Variants in DST observed in about 807,000 individuals in gnomAD.
The protein encoded by DST is bullous pemphigoid antigen.
DST carries 253 observed loss-of-function variants against 875.2 expected under a neutral mutation model. That is an observed-to-expected ratio of 0.29 (90% CI 0.26 to 0.32). The LOEUF (loss-of-function observed/expected upper bound fraction) is 0.32. DST is among the 10% of genes least tolerant of loss of function. DST has a pLI of 1.00. For missense variants in DST, 8,287 were observed against 9,111.6 expected (o/e 0.91, Z 3.68); for synonymous variants, 3,124 against 3,197.1 (o/e 0.98, Z 0.77).
At chr6:56,740,943 A>G (rs1200041771) in intron 4 of DST, among the ~76,000 whole-genome samples, 1 of 152,114 alleles carries the variant, frequency 6.6e-6, no homozygotes, top group East Asian at 1.9e-4. Context: ...TAATTCAAGA[A>G]TAGAGTTTCC....
chr6:56,742,505 C>A, intron 4 of DST: 1 of 413,292 alleles, frequency 2.4e-6, no homozygotes, highest in Admixed American at 3.0e-5. Flanking sequence ...ATTAACAAAG[C>A]CAGACTCCTC....
At position 56,552,638 on chromosome 6, in the gene DST, C is replaced by G. The variant is rs1268689830; in HGVS notation, c.16154G>C (p.Gly5385Ala). The G allele has an allele frequency of 1.9e-6, 3 of 1,613,920 alleles. No individual in the cohort carries two copies. Among genetic ancestry groups the G allele is most frequent in the South Asian group, 2.2e-5 (2 of 91,066 alleles). ...SFLETKLQGI[G>A]HFQNTIREMF... ...TTCTCGAATGGTATTCTGGAAATGC[C>G]CAATGCCCTGAAGCTTGGTTTCTAA... Residue 5385 changes from glycine to alanine, a missense_variant, in exon 61 of 104, where the codon GGG (glycine) becomes GCG (alanine). By Grantham distance (60) the Gly-to-Ala change is moderately conservative (BLOSUM62 0). Around this residue, in one of 10 missense-constraint regions of DST, gnomAD observed 1,513 missense variants for 1,677.8 expected, o/e 0.90. Coordinates refer to ENST00000680361, the MANE Select transcript of DST (RefSeq NM_001374736.1).
At chr6:56,700,818 T>C (rs2099298571) in intron 8 of DST, among the ~76,000 whole-genome samples, 2 of 152,244 alleles carry the variant, frequency 1.3e-5, no homozygotes, top group South Asian at 4.1e-4. Context: ...ACTAGAATGA[T>C]GAATAATAAG....
At chr6:56,695,395 A>G (rs2099258169) in intron 9 of DST, among the ~76,000 whole-genome samples, 1 of 148,028 alleles carries the variant, frequency 6.8e-6, no homozygotes, top group Non-Finnish European at 1.5e-5. Flanking sequence ...CAGCAACACA[A>G]AATGAACTAA....
At chr6:56,803,615 T>C (rs1381520394) in intron 4 of DST, among the ~76,000 whole-genome samples, 2 of 152,202 alleles carry the variant, frequency 1.3e-5, no homozygotes, top group Non-Finnish European at 2.9e-5. Flanking sequence ...GAGATGCTTT[T>C]CCAACTCGTA....
intron 52 of DST, 76 bp from the exon 53 acceptor site, chr6:56,572,342 C>A (rs369150258): frequency 8.8e-6 from 9 of 1,020,808 alleles, no homozygotes; most frequent in Non-Finnish European, 1.2e-5. Context: ...GAGGTCTGTG[C>A]GGGATCAGAA....
chr6:56,467,712 G>A (rs2094651376), intron 98 of DST, among the ~76,000 whole-genome samples: 1 of 152,122 alleles, frequency 6.6e-6, no homozygotes, highest in South Asian at 2.1e-4. Context: ...GATATTTCAA[G>A]TGTAATGAAT....
intron 4 of DST, among the ~76,000 whole-genome samples, chr6:56,845,554 C>T (rs1034282102): frequency 1.3e-5 from 2 of 152,148 alleles, no homozygotes; most frequent in East Asian, 1.9e-4. Flanking sequence ...TCTTACAGCT[C>T]GATATGCATT....
At position 56,609,307 on chromosome 6, in the gene DST, G is replaced by A; in HGVS notation, c.5321C>T (p.Thr1774Ile). Residue 1774 changes from threonine (T) to isoleucine (I), a missense_variant, in exon 40 of 104, where the codon ACT becomes ATT. Physicochemically the swap from Thr to Ile is moderately conservative, Grantham distance 89 (BLOSUM62 -1). Around this residue, in one of 10 missense-constraint regions of DST, gnomAD observed 3,138 missense variants for 3,116.6 expected, o/e 1.01. Transcript: ENST00000680361. The stretch of plus-strand genomic sequence containing the variant: ...TTGAAAGACTGAAAGGACTTCTCCA[G>A]TTGTCTGATCAATGGTGCCTGCAAT... ...KVIAGTIDQT[T>I]GEVLSVFQAV... The A allele has an allele frequency of 6.2e-7, 1 of 1,612,598 alleles. No individual in the cohort carries two copies.
chr6:56,938,553 A>G (rs940944989), intron 2 of DST, among the ~76,000 whole-genome samples: 2 of 152,224 alleles, frequency 1.3e-5, no homozygotes, highest in African/African-American at 4.8e-5. Context: ...TGAGTACTTT[A>G]GGGATAGCAG....
intron 59 of DST, 77 bp downstream of exon 59, chr6:56,557,242 T>C (rs2097439154): frequency 6.6e-6 from 9 of 1,363,924 alleles, no homozygotes; most frequent in Non-Finnish European, 8.2e-6. Context: ...CCAAAGTTAA[T>C]ATATTTATAA....
rs2099798677 is a variant in DST, at chr6:56,840,471, AAT to A, written c.625+10924_625+10925del. Among the ~76,000 whole-genome samples the A allele has an allele frequency of 2.6e-5, 4 of 152,330 alleles. No homozygotes were observed. In the South Asian group the frequency reaches 6.2e-4, roughly 24 times the overall value. ...GCCGAAGTTTGGTATCAGCTGAAGA[AAT>A]ATGTTTTTTTAATCAGATGTCCCTG... On this transcript the variant is annotated intron_variant, in intron 4 of 103. Transcript: ENST00000680361.
intron 34 of DST, among the ~76,000 whole-genome samples, chr6:56,625,865 A>C (rs923585468): frequency 1.3e-5 from 2 of 151,484 alleles, no homozygotes; most frequent in Non-Finnish European, 2.9e-5. Context: ...AGACCTTCCC[A>C]TGGGATTTGG....
chr6:56,600,229 G>A lies in DST; in HGVS notation c.11542-8C>T, dbSNP rs370887046. On this transcript the variant is annotated splice_polypyrimidine_tract_variant and splice_region_variant and intron_variant, in intron 44 of 103. Transcript: ENST00000680361. ...CTGACGCTCTGCTACAATCTAAAGTGAAGAAAACCCAAAACATCTTAAATG... is the reference window on the plus strand; with the variant it reads ...CTGACGCTCTGCTACAATCTAAAGTAAAGAAAACCCAAAACATCTTAAATG... 9.6e-4 allele frequency: 1,549 copies of A among 1,608,124 alleles called. 3 individuals are homozygous for A. Among genetic ancestry groups the A allele is most frequent in the Non-Finnish European group, 1.3e-3 (1,497 of 1,177,236 alleles).
chr6:56,592,900 C>A (rs2098304915), intron 48 of DST, among the ~76,000 whole-genome samples: 1 of 150,798 alleles, frequency 6.6e-6, no homozygotes, highest in Non-Finnish European at 1.5e-5. Flanking sequence ...TCAAAAAAAA[C>A]CTTTTACTTG....
intron 90 of DST, among the ~76,000 whole-genome samples, chr6:56,480,377 C>T (rs920173703): frequency 2.0e-5 from 3 of 152,210 alleles, no homozygotes; most frequent in Non-Finnish European, 4.4e-5. Flanking sequence ...ATCACTTCTA[C>T]ACCTAGAGGA....
rs1824366980 is a variant in DST, at chr6:56,954,811, C to CT, written c.-225_-224insA. 6.7e-6 allele frequency among the ~76,000 whole-genome samples: 1 copy of CT among 149,788 alleles called. No homozygotes were observed. Among genetic ancestry groups the CT allele is most frequent in the Non-Finnish European group, 1.5e-5 (1 of 67,010 alleles). The stretch of plus-strand genomic sequence containing the variant: ...GGAGCGCTTGCCATGACTCAGCAGA[C>CT]AGCGACGAGGCTGCGACTCGGCGGC... On this transcript the variant is annotated 5_prime_UTR_variant, in exon 1 of 104. Transcript: ENST00000680361.
chr6:56,831,761 C>A (rs1450677411), intron 4 of DST, among the ~76,000 whole-genome samples: 1 of 151,848 alleles, frequency 6.6e-6, no homozygotes, highest in Non-Finnish European at 1.5e-5. Flanking sequence ...GGTTCTAAAT[C>A]CTTCATCTCT....
intron 4 of DST, among the ~76,000 whole-genome samples, chr6:56,776,838 T>C (rs2099680221): frequency 6.6e-6 from 1 of 152,154 alleles, no homozygotes; most frequent in Non-Finnish European, 1.5e-5. Context: ...CATCCAGAGA[T>C]TTTATTTTGA....
Sources: gnomAD v4.1 joint callset for allele counts (sites outside exome capture counted in the v4.1 genomes callset) on GRCh38, gnomAD v4.1.1 for gene constraint, gnomAD v4.1.1 regional missense constraint, MANE v1.5 for transcripts, NCBI Gene and HGNC (gene_info 2026-07-23, HGNC 2026-07-21) for gene names.